The following MAST4 variants were observed in gnomAD, a reference collection of about 807,000 sequenced individuals.
The protein encoded by MAST4 is microtubule associated serine/threonine kinase family member 4.
In MAST4, 89 loss-of-function variants were observed where a neutral mutation model predicts 162.7. That is an observed-to-expected ratio of 0.55 (90% CI 0.46 to 0.65). The LOEUF is 0.65. MAST4 is among the 30% of genes least tolerant of loss of function. The pLI, the probability that MAST4 is intolerant of heterozygous loss-of-function variation, is 0.00. For synonymous variants in MAST4, 1,479 were observed against 1,361.1 expected, an observed-to-expected ratio of 1.09 and a Z score of -1.91; for missense variants, 3,153 against 3,374.0, an observed-to-expected ratio of 0.93 and a Z score of 1.62.
At chr5:67,159,995 G>C (rs570005743) in intron 26 of MAST4, among the ~76,000 whole-genome samples, 1 of 152,210 alleles carries the variant, frequency 6.6e-6, no homozygotes, top group Non-Finnish European at 1.5e-5. Context: ...AATCAACCAA[G>C]AGCAGCCAGC....
chr5:66,787,469 A>G lies in MAST4; in HGVS notation c.518-1201A>G, dbSNP rs564582151. The stretch of plus-strand genomic sequence containing the variant: ...AAGCAGTGGACTTCTTCACATGGAC[A>G]ATTGATGGGAGATGCCCCTAGCTCC... On this transcript the variant is annotated intron_variant, in intron 2 of 28. Transcript: ENST00000403625. Among the ~76,000 whole-genome samples, 3 of 152,362 alleles carry G rather than the reference A, an allele frequency of 2.0e-5. No homozygotes were observed. The East Asian group carries it at 5.8e-4, about 29-fold the overall frequency.
At chr5:66,815,953 G>T (rs1258489691) in intron 3 of MAST4, among the ~76,000 whole-genome samples, 2 of 152,134 alleles carry the variant, frequency 1.3e-5, no homozygotes, top group Non-Finnish European at 2.9e-5. Flanking sequence ...GGAAAAGGAG[G>T]AGGAACCTGT....
At chr5:67,027,315 C>A (rs1754777065) in intron 4 of MAST4, among the ~76,000 whole-genome samples, 1 of 152,122 alleles carries the variant, frequency 6.6e-6, no homozygotes, top group Non-Finnish European at 1.5e-5. Context: ...GTTTTTTATT[C>A]TCATCAGATT....
At chr5:66,866,109 G>C (rs36147) in intron 3 of MAST4, among the ~76,000 whole-genome samples, 1 of 147,864 alleles carries the variant, frequency 6.8e-6, no homozygotes, top group African/African-American at 2.5e-5. Context: ...AATAGAGTAC[G>C]TTGCTGGTAG....
At chr5:67,046,797 A>T (rs537420630) in intron 4 of MAST4, among the ~76,000 whole-genome samples, 1 of 152,320 alleles carries the variant, frequency 6.6e-6, no homozygotes, top group Admixed American at 6.5e-5. Context: ...AAATTAGCCT[A>T]AATTTTTTTT....
chr5:67,131,699 G>T (rs1768988693), intron 15 of MAST4, 114 bp from the exon 16 acceptor site: 3 of 991,236 alleles, frequency 3.0e-6, no homozygotes, highest in Non-Finnish European at 4.5e-6. Flanking sequence ...TTGTGACTAT[G>T]ATATGCTGTG....
At chr5:66,767,110 T>C (rs183623206) in intron 2 of MAST4, among the ~76,000 whole-genome samples, 31 of 151,968 alleles carry the variant, frequency 2.0e-4, no homozygotes, top group African/African-American at 7.2e-4. Flanking sequence ...ACATGCTAAT[T>C]TCCGTTCCTA....
intron 1 of MAST4, among the ~76,000 whole-genome samples, chr5:66,626,857 G>A (rs1346057620): frequency 6.6e-6 from 1 of 152,158 alleles, no homozygotes; most frequent in East Asian, 1.9e-4. Context: ...ACACCTAAGC[G>A]AGGGATGTTT....
chr5:66,656,579 G>T (rs1239382618), intron 1 of MAST4, among the ~76,000 whole-genome samples: 1 of 152,052 alleles, frequency 6.6e-6, no homozygotes, highest in Non-Finnish European at 1.5e-5. Context: ...AAGACTGTGG[G>T]GGTGGGACTC....
chr5:67,004,893 A>ATT (rs66551443), intron 4 of MAST4: 652 of 633,160 alleles, frequency 1.0e-3, no homozygotes, highest in Admixed American at 1.0e-3. Context: ...GATAATTGGG[A>ATT]TTTTTTTTTT....
chr5:66,710,515 C>G (rs894765449), intron 1 of MAST4, among the ~76,000 whole-genome samples: 5 of 152,016 alleles, frequency 3.3e-5, no homozygotes, highest in African/African-American at 1.2e-4. Flanking sequence ...CTTCCGTAGC[C>G]CAGGGAATTC....
chr5:67,104,245 C>T, intron 9 of MAST4, 121 bp from the exon 10 acceptor site: 1 of 734,414 alleles, frequency 1.4e-6, no homozygotes, highest in Non-Finnish European at 2.3e-6. Context: ...AATTTGATTT[C>T]TAGAATCCCA....
chr5:66,905,632 T>A (rs1314446757), intron 4 of MAST4, among the ~76,000 whole-genome samples: 1 of 152,166 alleles, frequency 6.6e-6, no homozygotes, highest in African/African-American at 2.4e-5. Flanking sequence ...CCTCAGAACA[T>A]GTGCCCAAGG....
At chr5:66,841,071 C>A (rs188543239) in intron 3 of MAST4, among the ~76,000 whole-genome samples, 1 of 152,170 alleles carries the variant, frequency 6.6e-6, no homozygotes, top group African/African-American at 2.4e-5. Context: ...TTTATTTTGC[C>A]ATCAATAAGA....
chr5:66,934,246 T>TTA (rs1742480852), intron 4 of MAST4, among the ~76,000 whole-genome samples: 2 of 151,680 alleles, frequency 1.3e-5, no homozygotes, highest in Admixed American at 6.6e-5. Context: ...TTATTTTATT[T>TTA]TTTGAGTTGG....
At chr5:66,885,162 A>G (rs1761959378) in intron 3 of MAST4, among the ~76,000 whole-genome samples, 2 of 152,174 alleles carry the variant, frequency 1.3e-5, no homozygotes, top group Non-Finnish European at 1.5e-5. Context: ...TTTCTCAGTC[A>G]ATATGTTTAC....
chr5:66,868,417 G>GTGTATATATA (rs1247036475), intron 3 of MAST4, among the ~76,000 whole-genome samples: 2 of 148,536 alleles, frequency 1.3e-5, no homozygotes, highest in Non-Finnish European at 3.0e-5. Context: ...GTGTGTATAT[G>GTGTATATATA]TGTATATATA....
intron 4 of MAST4, among the ~76,000 whole-genome samples, chr5:67,030,283 CTT>C (rs1306015391): frequency 2.0e-5 from 3 of 151,998 alleles, no homozygotes; most frequent in East Asian, 1.9e-4. Flanking sequence ...TTCCGTATCT[CTT>C]TTGTTTTATA....
At chr5:66,762,144 T>G (rs1250258614) in intron 2 of MAST4, among the ~76,000 whole-genome samples, 1 of 152,202 alleles carries the variant, frequency 6.6e-6, no homozygotes, top group African/African-American at 2.4e-5. Flanking sequence ...TTGTCATAAT[T>G]TTAACAGCTC....
Sources: gnomAD v4.1 joint callset for allele counts (sites outside exome capture counted in the v4.1 genomes callset) on GRCh38, gnomAD v4.1.1 for gene constraint, MANE v1.5 for transcripts, NCBI Gene and HGNC (gene_info 2026-07-23, HGNC 2026-07-21) for gene names.